Variants in LRFN5 observed in about 807,000 individuals in gnomAD.
LRFN5 encodes leucine rich repeat and fibronectin type III domain containing 5, also known as leucine-rich repeat and fibronectin type-III domain-containing protein 5.
In LRFN5, 24 loss-of-function variants were observed where a neutral mutation model predicts 45.6. That is an observed-to-expected ratio of 0.53 (90% CI 0.38 to 0.74). The LOEUF (loss-of-function observed/expected upper bound fraction) is 0.74. Ranked by LOEUF, LRFN5 falls within the 30% of genes least tolerant of loss-of-function variation. The pLI, the probability that LRFN5 is intolerant of heterozygous loss-of-function variation, is 0.00. For missense variants in LRFN5, 776 were observed against 861.5 expected (o/e 0.90, Z 1.24); for synonymous variants, 340 against 313.8 (o/e 1.08, Z -0.88).
At chr14:41,642,545 G>A (rs1218315692) in intron 1 of LRFN5, among the ~76,000 whole-genome samples, 1 of 152,130 alleles carries the variant, frequency 6.6e-6, no homozygotes, top group Non-Finnish European at 1.5e-5. Context: ...GTTCCTCATT[G>A]TTATTTAGTT....
chr14:41,689,367 C>G (rs1882264679), intron 1 of LRFN5, among the ~76,000 whole-genome samples: 1 of 151,618 alleles, frequency 6.6e-6, no homozygotes, highest in Non-Finnish European at 1.5e-5. Flanking sequence ...CTTTATTGAC[C>G]AATAAAAAGA....
intron 4 of LRFN5, 63 bp downstream of exon 4, chr14:41,892,025 G>A (rs1890804466): frequency 2.6e-6 from 4 of 1,557,644 alleles, no homozygotes; most frequent in Non-Finnish European, 3.5e-6. Context: ...CCTCAATGGA[G>A]AATTAAAGGA....
At chr14:41,876,130 A>G (rs1410848657) in intron 2 of LRFN5, among the ~76,000 whole-genome samples, 1 of 152,174 alleles carries the variant, frequency 6.6e-6, no homozygotes, top group Non-Finnish European at 1.5e-5. Context: ...GTGCAGGACA[A>G]GAGCAGACCA....
At chr14:41,646,074 T>G (rs1879804504) in intron 1 of LRFN5, among the ~76,000 whole-genome samples, 1 of 152,076 alleles carries the variant, frequency 6.6e-6, no homozygotes, top group Admixed American at 6.6e-5. Context: ...CAGATCAGAG[T>G]AAGTAGCATA....
intron 4 of LRFN5, chr14:41,893,580 G>T: frequency 1.0e-6 from 1 of 985,246 alleles, no homozygotes; most frequent in South Asian, 4.7e-5. Context: ...TACCACTTAA[G>T]ACACAAGTGA....
chr14:41,691,496 C>T (rs141141003), intron 1 of LRFN5, among the ~76,000 whole-genome samples: 35 of 152,136 alleles, frequency 2.3e-4, no homozygotes, highest in African/African-American at 8.2e-4. Flanking sequence ...ACTGGTCAAC[C>T]TTGCTAAACT....
intron 2 of LRFN5, among the ~76,000 whole-genome samples, chr14:41,812,535 A>G (rs1253090649): frequency 2.6e-5 from 4 of 151,912 alleles, no homozygotes; most frequent in African/African-American, 9.7e-5. Context: ...TCAATTATAT[A>G]TACAAAGGCA....
chr14:41,894,127 G>A, intron 4 of LRFN5: 3 of 984,108 alleles, frequency 3.0e-6, no homozygotes, highest in Non-Finnish European at 3.6e-6. Flanking sequence ...AAGCTTGCAA[G>A]ACTTAAAGAA....
At chr14:41,661,489 A>G (rs1183164962) in intron 1 of LRFN5, among the ~76,000 whole-genome samples, 1 of 152,080 alleles carries the variant, frequency 6.6e-6, no homozygotes, top group Non-Finnish European at 1.5e-5. Flanking sequence ...ATATCCTGCT[A>G]GAAGGGTTGA....
chr14:41,662,836 G>A (rs1022115437), intron 1 of LRFN5, among the ~76,000 whole-genome samples: 3 of 152,058 alleles, frequency 2.0e-5, no homozygotes, highest in Admixed American at 2.0e-4. Context: ...ACACAAGGAA[G>A]GGAATTCAAA....
intron 2 of LRFN5, among the ~76,000 whole-genome samples, chr14:41,834,385 C>T (rs1452429700): frequency 1.3e-5 from 2 of 152,234 alleles, no homozygotes; most frequent in East Asian, 3.9e-4. Context: ...TAGAGCTAAA[C>T]TCAAGGCTCA....
intron 5 of LRFN5, among the ~76,000 whole-genome samples, chr14:41,903,184 G>T (rs1324268498): frequency 6.6e-6 from 1 of 150,950 alleles, no homozygotes; most frequent in Non-Finnish European, 1.5e-5. Flanking sequence ...TATCTTTACA[G>T]CATTTTACCT....
intron 1 of LRFN5, among the ~76,000 whole-genome samples, chr14:41,747,613 T>C (rs1403068369): frequency 1.3e-5 from 2 of 151,978 alleles, no homozygotes; most frequent in African/African-American, 2.4e-5. Context: ...GATTTAGTAA[T>C]GGTTTATTGA....
chr14:41,616,401 T>G (rs893311350), intron 1 of LRFN5, among the ~76,000 whole-genome samples: 1 of 152,112 alleles, frequency 6.6e-6, no homozygotes, highest in Non-Finnish European at 1.5e-5. Context: ...CAGTCTAGAG[T>G]GAGAAACAAA....
At chr14:41,744,262 C>G (rs1219221638) in intron 1 of LRFN5, among the ~76,000 whole-genome samples, 1 of 152,130 alleles carries the variant, frequency 6.6e-6, no homozygotes, top group Admixed American at 6.6e-5. Flanking sequence ...GAGGCTGAGA[C>G]AGGAGTATCA....
intron 1 of LRFN5, among the ~76,000 whole-genome samples, chr14:41,704,248 G>A (rs965494199): frequency 1.3e-5 from 2 of 151,948 alleles, no homozygotes; most frequent in African/African-American, 2.4e-5. Flanking sequence ...CTGTAGTTGG[G>A]GAATTATTTA....
chr14:41,746,188 T>C (rs1884911493), intron 1 of LRFN5, among the ~76,000 whole-genome samples: 1 of 152,038 alleles, frequency 6.6e-6, no homozygotes, highest in Non-Finnish European at 1.5e-5. Context: ...TAGAATGGAA[T>C]GATGGCTCTA....
chr14:41,763,999 G>A (rs1321428268), intron 1 of LRFN5, among the ~76,000 whole-genome samples: 1 of 152,022 alleles, frequency 6.6e-6, no homozygotes, highest in Non-Finnish European at 1.5e-5. Flanking sequence ...ATTTTTTATA[G>A]GATGTTCCAT....
Position 41,721,255 on chromosome 14 carries a change from A to G in LRFN5, c.-196-45599A>G, listed in dbSNP as rs117311412. Among the ~76,000 whole-genome samples, 14 of 152,114 alleles carry G rather than the reference A, an allele frequency of 9.2e-5. No homozygotes were observed. In the East Asian group the frequency reaches 2.5e-3, roughly 27 times the overall value. On this transcript the variant is annotated intron_variant, in intron 1 of 5. Transcript: ENST00000298119. ...TTCTCCAACCCTTTACTTTGAACCT[A>G]TGGTTGTCATTGTGTGTGAGATGGG...
Sources: gnomAD v4.1 joint callset for allele counts (sites outside exome capture counted in the v4.1 genomes callset) on GRCh38, gnomAD v4.1.1 for gene constraint, MANE v1.5 for transcripts, NCBI Gene and HGNC (gene_info 2026-07-23, HGNC 2026-07-21) for gene names.